Variants in TAOK1 observed in about 807,000 individuals in gnomAD.
TAOK1 encodes TAO kinase 1, also known as serine/threonine-protein kinase TAO1.
TAOK1 carries 21 observed loss-of-function variants against 138.3 expected under a neutral mutation model. That is an observed-to-expected ratio of 0.15 (90% CI 0.11 to 0.22). The LOEUF (loss-of-function observed/expected upper bound fraction) is 0.22, where lower values mean the gene tolerates loss of function less well. Ranked by LOEUF, TAOK1 falls within the 10% of genes least tolerant of loss-of-function variation. The pLI is 1.00. For synonymous variants in TAOK1, 361 were observed against 398.4 expected (o/e 0.91, Z 1.12); for missense variants, 651 against 1,227.7 (o/e 0.53, Z 7.02).
At chr17:29,537,298 C>T (rs1459659946) in intron 19 of TAOK1, among the ~76,000 whole-genome samples, 1 of 152,090 alleles carries the variant, frequency 6.6e-6, no homozygotes, top group African/African-American at 2.4e-5. Context: ...CACTTTTATA[C>T]AGTGTTAATA....
chr17:29,533,490 G>A (rs907816580), intron 18 of TAOK1, among the ~76,000 whole-genome samples: 9 of 151,918 alleles, frequency 5.9e-5, no homozygotes, highest in African/African-American at 1.5e-4. Context: ...CAAGGCAGGC[G>A]GCTGGGAGGT....
Position 29,423,637 on chromosome 17 carries a change from GTTGT to G in TAOK1, c.-94-27815_-94-27812del, listed in dbSNP as rs1486680409. Among the ~76,000 whole-genome samples, 7 of 152,064 alleles carry G rather than the reference GTTGT, an allele frequency of 4.6e-5. No individual in the cohort carries two copies. The East Asian group carries it at 1.3e-3, about 29-fold the overall frequency. ...ACAAACCATGTGTATTTAGAAGTGT[GTTGT>G]TTAATTTTTAAATATTTAGGAATTT... On this transcript the variant is annotated intron_variant, in intron 1 of 19. Transcript: ENST00000261716.
At chr17:29,434,899 C>G (rs1177656856) in intron 1 of TAOK1, among the ~76,000 whole-genome samples, 2 of 152,048 alleles carry the variant, frequency 1.3e-5, no homozygotes, top group Non-Finnish European at 2.9e-5. Flanking sequence ...GCATGGACTC[C>G]TTGTAAGCCA....
At chr17:29,532,448 C>G (rs1409724483) in intron 18 of TAOK1, among the ~76,000 whole-genome samples, 1 of 150,230 alleles carries the variant, frequency 6.7e-6, no homozygotes, top group Non-Finnish European at 1.5e-5. Flanking sequence ...AGCAGATAAA[C>G]AAGTGAACAA....
At chr17:29,521,999 G>A (rs2031929958) in intron 16 of TAOK1, among the ~76,000 whole-genome samples, 1 of 152,082 alleles carries the variant, frequency 6.6e-6, no homozygotes, top group South Asian at 2.1e-4. Context: ...TATAAAATTA[G>A]GAAGTATACA....
Position 29,551,130 on chromosome 17 carries a change from G to C in TAOK1, c.*8108G>C, listed in dbSNP as rs986361062. On this transcript the variant is annotated 3_prime_UTR_variant, in exon 20 of 20. Coordinates refer to ENST00000261716, the MANE Select transcript of TAOK1 (RefSeq NM_020791.4). ...AAGGGAATATGTTAATTAAGCAAGA[G>C]GTTCTTTTCTAAAAGTGGTATCTGT... 2.6e-5 allele frequency: 4 copies of C among 152,110 alleles called. No individual in the cohort carries two copies. The highest frequency in any genetic ancestry group is 4.8e-5 in the African/African-American group (2 of 41,412). The allele number at this position is 152,110 out of a possible 1,614,324, so 9.4% of individuals were successfully genotyped here.
At chr17:29,492,741 G>A (rs1285535574) in intron 10 of TAOK1, among the ~76,000 whole-genome samples, 3 of 152,132 alleles carry the variant, frequency 2.0e-5, no homozygotes, top group Non-Finnish European at 1.5e-5. Flanking sequence ...GTGGTGAGCC[G>A]AGATTGCACC....
At chr17:29,409,178 T>C (rs1176469238) in intron 1 of TAOK1, among the ~76,000 whole-genome samples, 1 of 151,884 alleles carries the variant, frequency 6.6e-6, no homozygotes, top group Admixed American at 6.6e-5. Context: ...TTTTATTGCT[T>C]AGTAATAGTC....
chr17:29,539,224 CT>C (rs2032273540), intron 19 of TAOK1, among the ~76,000 whole-genome samples: 1 of 152,184 alleles, frequency 6.6e-6, no homozygotes, highest in South Asian at 2.1e-4. Context: ...GATTGCACCA[CT>C]GCACTCCAGC....
At chr17:29,399,896 AT>A (rs923100413) in intron 1 of TAOK1, among the ~76,000 whole-genome samples, 8 of 150,696 alleles carry the variant, frequency 5.3e-5, no homozygotes, top group Non-Finnish European at 4.4e-5. Flanking sequence ...CACCTGGCTA[AT>A]TTTTTTTTAT....
At chr17:29,422,264 C>T (rs1050069573) in intron 1 of TAOK1, among the ~76,000 whole-genome samples, 12 of 151,670 alleles carry the variant, frequency 7.9e-5, no homozygotes, top group Non-Finnish European at 1.5e-4. Flanking sequence ...AGTGCAGTGG[C>T]GCAGTCTCGG....
chr17:29,490,252 G>A (rs893384100), intron 9 of TAOK1, among the ~76,000 whole-genome samples: 7 of 152,000 alleles, frequency 4.6e-5, no homozygotes, highest in Admixed American at 4.6e-4. Context: ...TTGTTATTCA[G>A]TTTTATCTGA....
intron 15 of TAOK1, among the ~76,000 whole-genome samples, chr17:29,515,447 G>A (rs1051264615): frequency 6.6e-6 from 1 of 152,124 alleles, no homozygotes; most frequent in Non-Finnish European, 1.5e-5. Context: ...TCGAAGTTAG[G>A]AACCATCAGA....
At chr17:29,396,836 C>A (rs552854754) in intron 1 of TAOK1, among the ~76,000 whole-genome samples, 5 of 151,178 alleles carry the variant, frequency 3.3e-5, no homozygotes, top group African/African-American at 1.2e-4. Context: ...ACTAAAAATA[C>A]AAAAAATTAG....
intron 17 of TAOK1, among the ~76,000 whole-genome samples, chr17:29,524,674 A>G (rs927962357): frequency 6.6e-6 from 1 of 152,176 alleles, no homozygotes; most frequent in South Asian, 2.1e-4. Flanking sequence ...TCACATTTCT[A>G]TTTACTTAAG....
At chr17:29,443,754 T>C (rs994847149) in intron 1 of TAOK1, among the ~76,000 whole-genome samples, 2 of 152,224 alleles carry the variant, frequency 1.3e-5, no homozygotes, top group Non-Finnish European at 2.9e-5. Flanking sequence ...AATAGACTTT[T>C]TAAATGAAAA....
chr17:29,481,832 C>A (rs989276322), intron 7 of TAOK1, among the ~76,000 whole-genome samples: 1 of 151,936 alleles, frequency 6.6e-6, no homozygotes, highest in Non-Finnish European at 1.5e-5. Context: ...TGGTGGCGGG[C>A]GCCTGTAGTC....
chr17:29,493,989 T>G (rs1254054752), intron 10 of TAOK1, among the ~76,000 whole-genome samples: 1 of 152,088 alleles, frequency 6.6e-6, no homozygotes, highest in Non-Finnish European at 1.5e-5. Context: ...TGATCTCAGC[T>G]CACTGCAACC....
chr17:29,481,687 C>T (rs1322090136), intron 7 of TAOK1, among the ~76,000 whole-genome samples: 4 of 151,912 alleles, frequency 2.6e-5, no homozygotes, highest in Non-Finnish European at 5.9e-5. Context: ...GGGCCAGGTG[C>T]GGTGGATCAC....
Sources: allele counts gnomAD v4.1 joint callset (sites outside exome capture counted in the v4.1 genomes callset), GRCh38; gene constraint gnomAD v4.1.1; transcripts MANE v1.5; gene names NCBI Gene and HGNC (gene_info 2026-07-23, HGNC 2026-07-21).